DCUN1D2: variants seen among roughly 807,000 people sequenced by gnomAD.
DCUN1D2 encodes defective in cullin neddylation 1 domain containing 2.
DCUN1D2 carries 29 observed loss-of-function variants against 30.9 expected under a neutral mutation model. That is an observed-to-expected ratio of 0.94 (90% confidence interval 0.70 to 1.28). The LOEUF is 1.28. Ranked by LOEUF, DCUN1D2 falls within the 50% of genes most tolerant of loss-of-function variation. DCUN1D2 has a pLI of 0.00. For synonymous variants in DCUN1D2, 121 were observed against 115.3 expected (o/e 1.05, Z -0.32); for missense variants, 325 against 316.9 (o/e 1.03, Z -0.19).
intron 6 of DCUN1D2, among the ~76,000 whole-genome samples, 170 bp from the exon 7 acceptor site, chr13:113,458,278 C>T (rs1396744315): frequency 6.6e-6 from 1 of 152,222 alleles, no homozygotes; most frequent in Non-Finnish European, 1.5e-5. Context: ...TTCTTTCGCC[C>T]TAGCACGGCC....
intron 4 of DCUN1D2, among the ~76,000 whole-genome samples, chr13:113,465,878 T>TATAGATAG (rs112964363): frequency 6.6e-6 from 1 of 151,626 alleles, no homozygotes; most frequent in Non-Finnish European, 1.5e-5. Context: ...GACAGATATA[T>TATAGATAG]ATAGATAGAT....
At chr13:113,489,315 A>C in intron 1 of DCUN1D2, 1 of 196,056 alleles carries the variant, frequency 5.1e-6, no homozygotes, top group Non-Finnish European at 9.2e-6. Context: ...GTCCTCCTAA[A>C]AGCTGGAGCA....
At position 113,490,675 on chromosome 13, in the gene DCUN1D2, C is replaced by A. The variant is rs908218178; in HGVS notation, c.-6G>T. On this transcript the variant is annotated 5_prime_UTR_variant, in exon 1 of 7. Transcript: ENST00000478244. The surrounding 1 kb of genome is among the most constrained non-coding windows in gnomAD (Gnocchi z 5.2). ...GACGCCGGGCCACCTACCATCTCCCCCGCGCCGCCCGCTTCTGGCCGGCCC... is the reference window on the plus strand; with the variant it reads ...GACGCCGGGCCACCTACCATCTCCCACGCGCCGCCCGCTTCTGGCCGGCCC... 1.6e-6 allele frequency: 2 copies of A among 1,244,694 alleles called. No individual in the cohort carries two copies. Among genetic ancestry groups the A allele is most frequent in the Non-Finnish European group, 2.0e-6 (2 of 992,964 alleles). The allele number at this position is 1,244,694 out of a possible 1,614,324, so 77.1% of individuals were successfully genotyped here.
intron 1 of DCUN1D2, among the ~76,000 whole-genome samples, chr13:113,486,439 T>C (rs780547485): frequency 6.6e-6 from 1 of 152,130 alleles, no homozygotes; most frequent in Non-Finnish European, 1.5e-5. Flanking sequence ...CCAACTCCCA[T>C]GACACACAGT....
chr13:113,480,605 T>C lies in DCUN1D2; in HGVS notation c.359A>G (p.Lys120Arg), dbSNP rs764259447. The C allele has an allele frequency of 1.2e-6, 2 of 1,614,046 alleles. No individual in the cohort carries two copies. Among genetic ancestry groups the C allele is most frequent in the Non-Finnish European group, 1.7e-6 (2 of 1,180,028 alleles). The change falls in exon 3 of 7, where the codon AAG becomes AGG. Residue 120 changes from lysine (K) to arginine (R), a missense_variant. Transcript: ENST00000478244. ...RAATQCEFSR[K>R]EFLDGMTELG... ...TTCTGTCATGCCATCTAGAAATTCCTTTCTGCTAAATTCACACTGAGTTGC... is the reference window on the plus strand; with the variant it reads ...TTCTGTCATGCCATCTAGAAATTCCCTTCTGCTAAATTCACACTGAGTTGC...
At chr13:113,462,782 G>C (rs984284667) in intron 4 of DCUN1D2, 13 of 1,125,368 alleles carry the variant, frequency 1.2e-5, no homozygotes, top group Non-Finnish European at 1.4e-5. Flanking sequence ...GATTAGTCTT[G>C]TCCTGCTTAT....
chr13:113,484,754 C>A (rs2044771828), intron 1 of DCUN1D2, among the ~76,000 whole-genome samples: 1 of 152,012 alleles, frequency 6.6e-6, no homozygotes, highest in African/African-American at 2.4e-5. Context: ...TATAATGAAA[C>A]AAAGTAACAT....
At chr13:113,462,700 G>A (rs2044338123) in intron 4 of DCUN1D2, 1 of 973,646 alleles carries the variant, frequency 1.0e-6, no homozygotes, top group African/African-American at 1.8e-5. Flanking sequence ...GTCAGAAAGT[G>A]CCAAGTAACT....
At position 113,489,191 on chromosome 13, in the gene DCUN1D2, T is replaced by C. The variant is rs1324201846; in HGVS notation, c.3+1476A>G. ...ACAGCACGCTAGAGGGAGGGGGAGTTAAATTCATCCCTGCTCTTGGATCTC... is the reference window on the plus strand; with the variant it reads ...ACAGCACGCTAGAGGGAGGGGGAGTCAAATTCATCCCTGCTCTTGGATCTC... On this transcript the variant is annotated intron_variant, in intron 1 of 6. Transcript: ENST00000478244. 5 of 973,758 alleles carry C rather than the reference T, an allele frequency of 5.1e-6. No homozygotes were observed. The African/African-American group carries it at 8.8e-5, about 17-fold the overall frequency. The allele number at this position is 973,758 out of a possible 1,614,324, so 60.3% of individuals were successfully genotyped here. A position where few individuals can be genotyped will look rare whatever the true frequency, so the allele number is the denominator to read the frequency against.
Position 113,488,167 on chromosome 13 carries a change from G to A in DCUN1D2, c.3+2500C>T, listed in dbSNP as rs575408337. Among the ~76,000 whole-genome samples the A allele has an allele frequency of 6.6e-6, 1 of 152,370 alleles. No individual in the cohort carries two copies. The highest frequency in any genetic ancestry group is 1.9e-4 in the East Asian group (1 of 5,188). On this transcript the variant is annotated intron_variant, in intron 1 of 6. Coordinates refer to ENST00000478244, the MANE Select transcript of DCUN1D2 (RefSeq NM_001014283.2). This position sits in a 1 kb window ranked among gnomAD's most constrained non-coding sequence, Gnocchi z 4.3. Reference sequence around the variant, plus strand: ...GGCTTTGAATCACTACTGTTAGCTAGAGTGGACAGAAGTCGGTATCCAGAA... The same window carrying A: ...GGCTTTGAATCACTACTGTTAGCTAAAGTGGACAGAAGTCGGTATCCAGAA...
intron 5 of DCUN1D2, 90 bp downstream of exon 5, chr13:113,460,964 T>G: frequency 3.5e-5 from 27 of 773,924 alleles, no homozygotes; most frequent in Non-Finnish European, 4.9e-5. Flanking sequence ...CCTCCACGTG[T>G]GAGACCTGAG....
At chr13:113,484,498 T>C (rs1485806733) in intron 1 of DCUN1D2, among the ~76,000 whole-genome samples, 3 of 152,184 alleles carry the variant, frequency 2.0e-5, no homozygotes, top group Non-Finnish European at 2.9e-5. Flanking sequence ...AGATTTTTTT[T>C]CCCACTTTAA....
chr13:113,462,339 C>T (rs2139679120), intron 4 of DCUN1D2, among the ~76,000 whole-genome samples: 1 of 151,716 alleles, frequency 6.6e-6, no homozygotes, highest in Non-Finnish European at 1.5e-5. Context: ...GAATAGTGTT[C>T]ACCACTTTTA....
At chr13:113,474,045 G>C (rs1460313682) in intron 4 of DCUN1D2, 79 bp downstream of exon 4, 2 of 1,536,858 alleles carry the variant, frequency 1.3e-6, no homozygotes, top group Non-Finnish European at 1.8e-6. Flanking sequence ...ACAGTTGGCT[G>C]CACAAAAATC....
intron 3 of DCUN1D2, among the ~76,000 whole-genome samples, chr13:113,476,311 C>T (rs1458109610): frequency 6.6e-6 from 1 of 152,152 alleles, no homozygotes; most frequent in Non-Finnish European, 1.5e-5. Flanking sequence ...CTGGAGTCCC[C>T]CTCCACGCAT....
At position 113,457,821 on chromosome 13, in the gene DCUN1D2, A is replaced by G. The variant is rs1157941585; in HGVS notation, c.*208T>C. 3.6e-6 allele frequency: 2 copies of G among 560,942 alleles called. No homozygotes were observed. The highest frequency in any genetic ancestry group is 2.9e-5 in the Admixed American group (1 of 35,080). The allele number at this position is 560,942 out of a possible 1,614,324, so 34.7% of individuals were successfully genotyped here. A position where few individuals can be genotyped will look rare whatever the true frequency, so the allele number is the denominator to read the frequency against. On this transcript the variant is annotated 3_prime_UTR_variant, in exon 7 of 7. Coordinates refer to ENST00000478244, the MANE Select transcript of DCUN1D2 (RefSeq NM_001014283.2). ...AAGCTATGATGACAAATCTCCAAAC[A>G]TCCCAAAGCAGCCGTGTCCCGAGGA... is the stretch of plus-strand genomic sequence containing the variant.
intron 1 of DCUN1D2, among the ~76,000 whole-genome samples, chr13:113,487,339 TACA>T (rs1431117549): frequency 2.0e-5 from 3 of 152,224 alleles, no homozygotes; most frequent in South Asian, 2.1e-4. Context: ...GCCATGGTTA[TACA>T]ACAACATTTA....
intron 1 of DCUN1D2, among the ~76,000 whole-genome samples, chr13:113,485,826 C>T (rs1468602532): frequency 2.0e-5 from 3 of 152,112 alleles, no homozygotes; most frequent in Non-Finnish European, 2.9e-5. Flanking sequence ...CCTTCCCGAG[C>T]GTCCTAAGCC....
intron 1 of DCUN1D2, among the ~76,000 whole-genome samples, chr13:113,486,981 A>G (rs772474713): frequency 5.3e-5 from 8 of 152,272 alleles, no homozygotes; most frequent in Non-Finnish European, 1.2e-4. Context: ...GCCGACCCCG[A>G]TCTAGATTCT....
Sources: allele counts gnomAD v4.1 joint callset (sites outside exome capture counted in the v4.1 genomes callset), GRCh38; gene constraint gnomAD v4.1.1; non-coding constraint Gnocchi (gnomAD v3.1); transcripts MANE v1.5; gene names NCBI Gene and HGNC (gene_info 2026-07-23, HGNC 2026-07-21).